ETFA: variants seen among roughly 807,000 people sequenced by gnomAD.
The protein encoded by ETFA is electron transfer flavoprotein subunit alpha.
ETFA carries 22 observed loss-of-function variants against 46.2 expected under a neutral mutation model. That is an observed-to-expected ratio of 0.48 (90% confidence interval 0.34 to 0.68). ETFA has a LOEUF of 0.68. ETFA is among the 30% of genes least tolerant of loss of function. The pLI is 0.01. For synonymous variants in ETFA, 131 were observed against 139.9 expected, an observed-to-expected ratio of 0.94 and a Z score of 0.45; for missense variants, 345 against 401.1, an observed-to-expected ratio of 0.86 and a Z score of 1.19.
intron 10 of ETFA, chr15:76,227,724 T>A (rs2039018398): frequency 2.3e-6 from 1 of 437,456 alleles, no homozygotes; most frequent in Non-Finnish European, 4.6e-6. Flanking sequence ...TGGCATTGTA[T>A]GTTGTGAAAA....
At chr15:76,234,114 T>G (rs189483207) in intron 9 of ETFA, among the ~76,000 whole-genome samples, 2 of 152,284 alleles carry the variant, frequency 1.3e-5, no homozygotes, top group African/African-American at 4.8e-5. Flanking sequence ...CTGATCACAA[T>G]AAATGGTCCA....
At chr15:76,298,837 C>A (rs1345285163) in intron 1 of ETFA, among the ~76,000 whole-genome samples, 2 of 151,890 alleles carry the variant, frequency 1.3e-5, no homozygotes, top group Non-Finnish European at 2.9e-5. Flanking sequence ...TCTTTTCCTG[C>A]TCTAAAAATT....
At chr15:76,258,874 C>T in intron 9 of ETFA, 1 of 726,802 alleles carries the variant, frequency 1.4e-6, no homozygotes, top group Non-Finnish European at 2.4e-6. Context: ...GGGAGGACTA[C>T]CACAGGAGCC....
At position 76,283,311 on chromosome 15, in the gene ETFA, C is replaced by T. The variant is rs1471082795; in HGVS notation, c.733+446G>A. ...AGCTCAAGCAATCCTCCCACCTCAG[C>T]CTCCTGAGTACCTGGGACTACAAGC... On this transcript the variant is annotated intron_variant, in intron 8 of 11. Transcript: ENST00000557943. Among the ~76,000 whole-genome samples, 9 of 152,154 alleles carry T rather than the reference C, an allele frequency of 5.9e-5. No individual in the cohort carries two copies. The South Asian group carries it at 1.7e-3, about 28-fold the overall frequency.
At chr15:76,226,233 C>T (rs2039002812) in intron 10 of ETFA, 1 of 306,008 alleles carries the variant, frequency 3.3e-6, no homozygotes, top group African/African-American at 2.2e-5. Flanking sequence ...AAATCTATAC[C>T]CAAATCCACA....
At chr15:76,297,445 T>C (rs907989671) in intron 1 of ETFA, among the ~76,000 whole-genome samples, 1 of 151,842 alleles carries the variant, frequency 6.6e-6, no homozygotes. Flanking sequence ...GAATTGCCAG[T>C]AACAAGCTAT....
intron 10 of ETFA, chr15:76,230,218 CT>C (rs199621717): frequency 3.5e-4 from 17 of 48,514 alleles, no homozygotes; most frequent in South Asian, 5.7e-4. Context: ...ACTTATTGCA[CT>C]TTTTTTTTTT....
chr15:76,252,897 CTT>C lies in ETFA; in HGVS notation c.817-21501_817-21500del, dbSNP rs11303378. ...TGTATACACACACACACACAGAGTA[CTT>C]TTTTTTTTTTTTTTTTTTAAAGAGA... On this transcript the variant is annotated intron_variant, in intron 9 of 11. Coordinates refer to ENST00000557943, the MANE Select transcript of ETFA (RefSeq NM_000126.4). Among the ~76,000 whole-genome samples the C allele has an allele frequency of 7.3e-3, 947 of 129,908 alleles. 6 individuals are homozygous for C. The highest frequency in any genetic ancestry group is 0.018 in the African/African-American group (614 of 34,730). 85.2% of individuals were successfully genotyped at this position (129,908 alleles called of 152,430 possible).
At chr15:76,222,433 C>T (rs1238886040) in intron 11 of ETFA, among the ~76,000 whole-genome samples, 1 of 152,008 alleles carries the variant, frequency 6.6e-6, no homozygotes, top group East Asian at 1.9e-4. Context: ...ATTCACCAAA[C>T]CACTTTGTCT....
rs1195183845 is a variant in ETFA, at chr15:76,246,833, C to CAA, written c.817-15437_817-15436dup. Among the ~76,000 whole-genome samples, 27 of 121,592 alleles carry CAA rather than the reference C, an allele frequency of 2.2e-4. 1 individual carries two copies. In the East Asian group the frequency reaches 3.0e-3, roughly 14 times the overall value. 79.8% of individuals were successfully genotyped at this position (121,592 alleles called of 152,430 possible). A position where few individuals can be genotyped will look rare whatever the true frequency, so the allele number is the denominator to read the frequency against. Reference sequence around the variant, plus strand: ...GGGCTACGGAGCCAAGACTCCGTCTCAAAAAAAAAAAAGAAAAGAAAATTA... The same window carrying CAA: ...GGGCTACGGAGCCAAGACTCCGTCTCAAAAAAAAAAAAAAGAAAAGAAAATTA... On this transcript the variant is annotated intron_variant, in intron 9 of 11. Transcript: ENST00000557943.
chr15:76,234,060 C>G (rs2039097704), intron 9 of ETFA, among the ~76,000 whole-genome samples: 1 of 152,136 alleles, frequency 6.6e-6, no homozygotes, highest in Admixed American at 6.5e-5. Context: ...GATTCTGGGC[C>G]AAAACAAACT....
intron 9 of ETFA, among the ~76,000 whole-genome samples, chr15:76,251,453 C>T (rs1288926196): frequency 6.6e-6 from 1 of 152,038 alleles, no homozygotes; most frequent in Non-Finnish European, 1.5e-5. Context: ...AAAGGGGTGA[C>T]AATTTAAAAT....
At chr15:76,284,885 G>A (rs1420441808) in intron 7 of ETFA, 1 of 376,742 alleles carries the variant, frequency 2.7e-6, no homozygotes, top group South Asian at 1.9e-5. Context: ...AGCAGAGATT[G>A]TGCCATTGCA....
At chr15:76,283,644 C>A in intron 8 of ETFA, 113 bp downstream of exon 8, 1 of 818,228 alleles carries the variant, frequency 1.2e-6, no homozygotes. Context: ...CTGAAAAATC[C>A]GGAAAAGTAA....
chr15:76,259,031 C>T, intron 9 of ETFA: 1 of 1,607,178 alleles, frequency 6.2e-7, no homozygotes, highest in Non-Finnish European at 8.5e-7. Flanking sequence ...GCAGCAAAAG[C>T]CTCTGTGTCT....
chr15:76,256,401 G>C (rs890134239), intron 9 of ETFA, among the ~76,000 whole-genome samples: 2 of 152,084 alleles, frequency 1.3e-5, no homozygotes, highest in Non-Finnish European at 2.9e-5. Context: ...GGGTTGTCTC[G>C]AGGGAAAGCA....
intron 3 of ETFA, 29 bp downstream of exon 3, chr15:76,292,590 C>G (rs567349479): frequency 3.8e-6 from 6 of 1,593,684 alleles, no homozygotes; most frequent in Admixed American, 3.3e-5. Flanking sequence ...AATTTAGACA[C>G]TACATTTTTT....
At chr15:76,231,441 T>A in intron 9 of ETFA, 43 bp from the exon 10 acceptor site, 1 of 1,215,470 alleles carries the variant, frequency 8.2e-7, no homozygotes, top group Non-Finnish European at 1.2e-6. Context: ...ATTTATATTA[T>A]ATAATACTTT....
chr15:76,260,189 T>C, intron 9 of ETFA: 1 of 1,414,488 alleles, frequency 7.1e-7, no homozygotes, highest in South Asian at 1.2e-5. Context: ...CCTCCAGTTT[T>C]TCCTTTAGTT....
Sources: gnomAD v4.1 joint callset for allele counts (sites outside exome capture counted in the v4.1 genomes callset) on GRCh38, gnomAD v4.1.1 for gene constraint, MANE v1.5 for transcripts, NCBI Gene and HGNC (gene_info 2026-07-23, HGNC 2026-07-21) for gene names.